The following MPRIP variants were observed in gnomAD, a reference collection of about 807,000 sequenced individuals.
MPRIP encodes the protein myosin phosphatase Rho-interacting protein.
MPRIP carries 59 observed loss-of-function variants against 234.9 expected under a neutral mutation model. The observed-to-expected ratio is 0.25, with a 90% CI of 0.20 to 0.31. The LOEUF is 0.31. Ranked by LOEUF, MPRIP falls within the 10% of genes least tolerant of loss-of-function variation. The pLI, the probability that MPRIP is intolerant of heterozygous loss-of-function variation, is 1.00. For synonymous variants in MPRIP, 1,144 were observed against 1,263.9 expected, an observed-to-expected ratio of 0.91 and a Z score of 2.01; for missense variants, 2,436 against 3,071.0, an observed-to-expected ratio of 0.79 and a Z score of 4.89.
Position 17,161,336 on chromosome 17 carries a change from C to T in MPRIP, c.2497C>T (p.Arg833Cys), listed in dbSNP as rs2045863011. 18 of 1,585,850 alleles carry T rather than the reference C, an allele frequency of 1.1e-5. No homozygotes were observed. The highest frequency in any genetic ancestry group is 3.4e-5 in the South Asian group (3 of 87,900). The change falls in exon 15 of 24, where the codon CGT becomes TGT. Residue 833 changes from arginine (R) to cysteine (C), a missense_variant. Arg to Cys is a radical substitution (Grantham distance 180, BLOSUM62 -3). This residue lies in a region of MPRIP where 1,998 missense variants were observed against 2,520.3 expected (regional missense o/e 0.79). Transcript: ENST00000651222. ...GGCCCTGGGCCGGGAGCAGAGCGCC[C>T]GTGAGGGCTACGTGCTGCAGGTAGG... Reference protein sequence around the residue: ...RVALGREQSAREGYVLQTEVA... With the variant: ...RVALGREQSACEGYVLQTEVA...
At chr17:17,102,040 T>A (rs2089972837) in intron 3 of MPRIP, among the ~76,000 whole-genome samples, 1 of 152,164 alleles carries the variant, frequency 6.6e-6, no homozygotes, top group African/African-American at 2.4e-5. Context: ...ATCTTCATTT[T>A]TTTTTTTAAT....
At chr17:17,101,386 T>G (rs1341167258) in intron 3 of MPRIP, among the ~76,000 whole-genome samples, 2 of 152,042 alleles carry the variant, frequency 1.3e-5, no homozygotes, top group African/African-American at 4.8e-5. Context: ...GCCAACAGGA[T>G]GAAACCCCAT....
Position 17,158,789 on chromosome 17 carries a change from C to A in MPRIP, c.2187C>A (p.Ala729=). Residue 729 remains alanine (A), a synonymous_variant, in exon 14 of 24, where the codon GCC becomes GCA. Coordinates refer to ENST00000651222, the MANE Select transcript of MPRIP (RefSeq NM_001364716.4). ...ATDGPGTEDA[A]LRMEVDRSPG... is the part of the protein sequence containing the mutation. ...ACGGGCCAGGCACTGAGGATGCAGC[C>A]CTGCGCATGGAGGTGGACCGGAGCC... 1 of 1,611,732 alleles carries A rather than the reference C, an allele frequency of 6.2e-7. No homozygotes were observed. The highest frequency in any genetic ancestry group is 1.1e-5 in the South Asian group (1 of 91,032).
Position 17,187,582 on chromosome 17 carries a change from C to T in MPRIP, c.*2688C>T, listed in dbSNP as rs1481563822. On this transcript the variant is annotated 3_prime_UTR_variant, in exon 24 of 24. Coordinates refer to ENST00000651222, the MANE Select transcript of MPRIP (RefSeq NM_001364716.4). ...CCTGGACATGCCCCAGGAACAGAGACTTGCCCAGGTGGCAACACTGGCACA... is the reference window on the plus strand; with the variant it reads ...CCTGGACATGCCCCAGGAACAGAGATTTGCCCAGGTGGCAACACTGGCACA... The T allele has an allele frequency of 6.6e-6, 1 of 152,286 alleles. No homozygotes were observed. The highest frequency in any genetic ancestry group is 2.4e-5 in the African/African-American group (1 of 41,464). 9.4% of individuals were successfully genotyped at this position (152,286 alleles called of 1,614,324 possible).
At chr17:17,081,753 C>T (rs1296474105) in intron 3 of MPRIP, among the ~76,000 whole-genome samples, 1 of 152,224 alleles carries the variant, frequency 6.6e-6, no homozygotes, top group Non-Finnish European at 1.5e-5. Flanking sequence ...ACCATTGCCT[C>T]TCCAGGCAGC....
intron 21 of MPRIP, 116 bp downstream of exon 21, chr17:17,176,628 T>C (rs1432476398): frequency 3.7e-6 from 3 of 805,812 alleles, no homozygotes; most frequent in Non-Finnish European, 6.1e-6. Flanking sequence ...TTTACTCTTG[T>C]GAGGAAGGAG....
chr17:17,065,198 T>C (rs2088984834), intron 1 of MPRIP, among the ~76,000 whole-genome samples: 1 of 152,202 alleles, frequency 6.6e-6, no homozygotes, highest in Non-Finnish European at 1.5e-5. Context: ...TAGATATTAG[T>C]CCTTTGCAAA....
chr17:17,107,581 A>G (rs1475055095), intron 3 of MPRIP, among the ~76,000 whole-genome samples: 1 of 152,184 alleles, frequency 6.6e-6, no homozygotes, highest in East Asian at 1.9e-4. Flanking sequence ...GGGGCGCAAC[A>G]GGGAGGGCTG....
intron 11 of MPRIP, among the ~76,000 whole-genome samples, chr17:17,149,182 G>GA (rs2045542711): frequency 1.3e-5 from 2 of 152,236 alleles, no homozygotes; most frequent in South Asian, 4.1e-4. Context: ...ACAACTACCT[G>GA]AAAAAGCTAT....
chr17:17,179,865 T>A (rs1308269390), intron 22 of MPRIP, 138 bp from the exon 23 acceptor site: 1 of 675,464 alleles, frequency 1.5e-6, no homozygotes, highest in South Asian at 1.8e-5. Flanking sequence ...GGCTTTGAAT[T>A]CCCTTAGAGT....
rs2046547969 is a variant in MPRIP, at chr17:17,189,609, G to A, written c.*4715G>A. 1 of 152,202 alleles carries A rather than the reference G, an allele frequency of 6.6e-6. No individual in the cohort carries two copies. Among genetic ancestry groups the A allele is most frequent in the Admixed American group, 6.5e-5 (1 of 15,276 alleles). 9.4% of individuals were successfully genotyped at this position (152,202 alleles called of 1,614,324 possible). ...ATGATATTATACTTCAAAGGAATTT[G>A]ATGTTGAAATTTTAAAGAAAATTTG... is the stretch of plus-strand genomic sequence containing the variant. On this transcript the variant is annotated 3_prime_UTR_variant, in exon 24 of 24. Coordinates refer to ENST00000651222, the MANE Select transcript of MPRIP (RefSeq NM_001364716.4).
intron 3 of MPRIP, among the ~76,000 whole-genome samples, chr17:17,090,813 C>G (rs1307235987): frequency 6.6e-6 from 1 of 152,158 alleles, no homozygotes; most frequent in Non-Finnish European, 1.5e-5. Context: ...GGTTGGAGAC[C>G]TGGTGGGTGG....
chr17:17,159,913 A>T (rs1206660782), intron 14 of MPRIP, among the ~76,000 whole-genome samples: 1 of 152,244 alleles, frequency 6.6e-6, no homozygotes, highest in African/African-American at 2.4e-5. Context: ...CACCAGCACT[A>T]ATACTTGTAC....
chr17:17,136,925 A>T (rs1405836438), intron 6 of MPRIP, among the ~76,000 whole-genome samples: 1 of 152,166 alleles, frequency 6.6e-6, no homozygotes, highest in Non-Finnish European at 1.5e-5. Flanking sequence ...CCTGTCTTTT[A>T]GCACTTTGGA....
chr17:17,103,212 G>A (rs754248659), intron 3 of MPRIP, among the ~76,000 whole-genome samples: 4 of 152,190 alleles, frequency 2.6e-5, no homozygotes, highest in Admixed American at 6.5e-5. Flanking sequence ...GTAAGATGAG[G>A]AGGTTATGTC....
intron 3 of MPRIP, among the ~76,000 whole-genome samples, chr17:17,109,687 C>G (rs563042837): frequency 2.1e-4 from 32 of 152,280 alleles, no homozygotes; most frequent in African/African-American, 6.5e-4. Context: ...ACCTGCCATC[C>G]AGATCTTGAT....
intron 1 of MPRIP, among the ~76,000 whole-genome samples, chr17:17,046,407 T>TG (rs763108462): frequency 2.6e-5 from 4 of 152,204 alleles, no homozygotes. Context: ...AGTATTTCTC[T>TG]GGGGGCAGAT....
intron 3 of MPRIP, among the ~76,000 whole-genome samples, chr17:17,125,812 ATGG>A (rs2090480213): frequency 6.6e-6 from 1 of 152,146 alleles, no homozygotes; most frequent in Non-Finnish European, 1.5e-5. Flanking sequence ...GAACAAGGAA[ATGG>A]TGGGCTGTTG....
chr17:17,183,751 C>G (rs984897792), intron 23 of MPRIP, among the ~76,000 whole-genome samples: 6 of 152,230 alleles, frequency 3.9e-5, no homozygotes, highest in Non-Finnish European at 8.8e-5. Flanking sequence ...GTCTCCAGGA[C>G]AGTGCCAGAG....
Sources: allele counts gnomAD v4.1 joint callset (sites outside exome capture counted in the v4.1 genomes callset), GRCh38; gene constraint gnomAD v4.1.1; regional missense constraint gnomAD v4.1.1; transcripts MANE v1.5; gene names NCBI Gene and HGNC (gene_info 2026-07-23, HGNC 2026-07-21).